Variants in GBA1 observed in about 807,000 individuals in gnomAD.
GBA1 encodes the protein glucosylceramidase beta 1, also known as lysosomal acid glucosylceramidase.
chr1:155,236,285 G>A, the GBA1 span: 6 of 1,614,156 alleles, frequency 3.7e-6, no homozygotes, highest in African/African-American at 1.3e-5. Context: ...TCGATCCCAG[G>A]AGCCTAGCCG....
chr1:155,237,117 G>A, the GBA1 span, among the ~76,000 whole-genome samples: 3 of 151,894 alleles, frequency 2.0e-5, no homozygotes, highest in East Asian at 1.9e-4. Flanking sequence ...GTGATCACCC[G>A]CCTCGGCTTC....
chr1:155,237,271 A>T, the GBA1 span: 3 of 1,612,216 alleles, frequency 1.9e-6, no homozygotes, highest in Non-Finnish European at 2.5e-6. Context: ...AATCGCTCTA[A>T]GTTTGGGAGC....
the GBA1 span, chr1:155,240,761 A>C: frequency 2.0e-6 from 3 of 1,506,966 alleles, no homozygotes; most frequent in Non-Finnish European, 2.8e-6. Context: ...GCCCCTCTCC[A>C]CCCCTCAACT....
chr1:155,240,171 C>T, the GBA1 span: 10,857 of 1,256,480 alleles, frequency 8.6e-3, 72 homozygotes, highest in Non-Finnish European at 0.011. Context: ...TTTCAAAATT[C>T]CTCACCCCTT....
At chr1:155,243,076 G>A in the GBA1 span, among the ~76,000 whole-genome samples, 2 of 152,202 alleles carry the variant, frequency 1.3e-5, no homozygotes, top group African/African-American at 4.8e-5. Flanking sequence ...TGTGTCTCTA[G>A]TACACTGCTT....
the GBA1 span, among the ~76,000 whole-genome samples, chr1:155,243,048 G>A: frequency 6.6e-6 from 1 of 152,214 alleles, no homozygotes; most frequent in African/African-American, 2.4e-5. Flanking sequence ...GAATTGTTGT[G>A]AGGTTTGAGT....
chr1:155,236,989 T>A, the GBA1 span, among the ~76,000 whole-genome samples: 1 of 151,786 alleles, frequency 6.6e-6, no homozygotes, highest in Non-Finnish European at 1.5e-5. Context: ...CTCAGCCTCC[T>A]GAGTAGCTGG....
the GBA1 span, chr1:155,234,974 C>T: frequency 4.8e-6 from 3 of 621,860 alleles, no homozygotes; most frequent in East Asian, 8.7e-5. Flanking sequence ...GAGCCCAGTG[C>T]CTCCTTGAGT....
the GBA1 span, chr1:155,239,723 T>C: frequency 6.2e-7 from 1 of 1,614,004 alleles, no homozygotes; most frequent in South Asian, 1.1e-5. Context: ...TCCCTTCACT[T>C]TCTGGAACTT....
chr1:155,237,897 CCTT>C, the GBA1 span: 1 of 637,110 alleles, frequency 1.6e-6, no homozygotes, highest in Non-Finnish European at 2.7e-6. Context: ...GAGAGAGACT[CCTT>C]CTCAAAAAAA....
At chr1:155,243,226 T>C in the GBA1 span, among the ~76,000 whole-genome samples, 1 of 152,210 alleles carries the variant, frequency 6.6e-6, no homozygotes, top group Non-Finnish European at 1.5e-5. Flanking sequence ...TGCTTCACTA[T>C]GTCAGTAGCC....
At chr1:155,238,092 T>G in the GBA1 span, 117 of 1,600,702 alleles carry the variant, frequency 7.3e-5, no homozygotes, top group East Asian at 3.3e-4. Context: ...CATGGCTAAA[T>G]GGGAGGCCAG....
chr1:155,237,161 C>T, the GBA1 span, among the ~76,000 whole-genome samples: 3 of 152,134 alleles, frequency 2.0e-5, no homozygotes, highest in Non-Finnish European at 2.9e-5. Flanking sequence ...TGAGCCACCT[C>T]GCCCAGCCCC....
the GBA1 span, among the ~76,000 whole-genome samples, chr1:155,243,782 T>G: frequency 6.9e-6 from 1 of 144,960 alleles, no homozygotes. Context: ...TTTTGTTTTG[T>G]TTTTTTTTTT....
chr1:155,243,781 GT>G, the GBA1 span, among the ~76,000 whole-genome samples: 7 of 145,234 alleles, frequency 4.8e-5, no homozygotes, highest in East Asian at 2.0e-4. Context: ...TTTTTGTTTT[GT>G]TTTTTTTTTT....
At chr1:155,236,349 T>C in the GBA1 span, 2 of 1,614,136 alleles carry the variant, frequency 1.2e-6, no homozygotes, top group Admixed American at 1.7e-5. Flanking sequence ...GCAAAGAGCA[T>C]GGTGTTGGGG....
the GBA1 span, chr1:155,241,316 C>T: frequency 3.1e-6 from 2 of 635,262 alleles, no homozygotes; most frequent in Non-Finnish European, 2.9e-6. Flanking sequence ...GTGAGGCAAT[C>T]ACAGCCATAT....
chr1:155,235,831 T>A, the GBA1 span: 1 of 1,614,160 alleles, frequency 6.2e-7, no homozygotes, highest in Non-Finnish European at 8.5e-7. Flanking sequence ...GCCGACCACA[T>A]GGTACAGGAG....
chr1:155,236,986 T>G, the GBA1 span, among the ~76,000 whole-genome samples: 1 of 151,946 alleles, frequency 6.6e-6, no homozygotes, highest in Non-Finnish European at 1.5e-5. Context: ...CTTCTCAGCC[T>G]CCTGAGTAGC....
Sources: gnomAD v4.1 joint callset for allele counts (sites outside exome capture counted in the v4.1 genomes callset) on GRCh38, gnomAD v4.1.1 for gene constraint, MANE v1.5 for transcripts, NCBI Gene and HGNC (gene_info 2026-07-23, HGNC 2026-07-21) for gene names.